The following C12orf42 variants were observed in gnomAD, a reference collection of about 807,000 sequenced individuals.
The protein encoded by C12orf42 is chromosome 12 open reading frame 42.
C12orf42 carries 25 observed loss-of-function variants against 21.6 expected under a neutral mutation model. The observed-to-expected ratio is 1.16, with a 90% CI of 0.84 to 1.62. The LOEUF (loss-of-function observed/expected upper bound fraction) is 1.62. C12orf42 is among the 40% of genes most tolerant of loss of function. The pLI, the probability that C12orf42 is intolerant of heterozygous loss-of-function variation, is 0.00. For synonymous variants in C12orf42, 174 were observed against 175.0 expected (o/e 0.99, Z 0.05); for missense variants, 483 against 459.3 (o/e 1.05, Z -0.47).
chr12:103,405,138 A>G (rs1459770516), intron 2 of C12orf42, among the ~76,000 whole-genome samples: 1 of 152,200 alleles, frequency 6.6e-6, no homozygotes, highest in Non-Finnish European at 1.5e-5. Flanking sequence ...GGACTCTGTT[A>G]TTTAAAAAGG....
the C12orf42 span, among the ~76,000 whole-genome samples, chr12:103,172,991 A>G: frequency 2.2e-4 from 33 of 152,240 alleles, no homozygotes; most frequent in African/African-American, 7.2e-4. Context: ...AAGGTTTTGA[A>G]GTGTGTGTCC....
intron 3 of C12orf42, among the ~76,000 whole-genome samples, chr12:103,394,589 G>A (rs901325926): frequency 3.9e-5 from 6 of 152,290 alleles, no homozygotes; most frequent in Middle Eastern, 3.4e-3. Context: ...TTTGAAACAC[G>A]AAACCATTGA....
At chr12:103,524,979 G>C in the C12orf42 span, among the ~76,000 whole-genome samples, 142 of 138,766 alleles carry the variant, frequency 1.0e-3, no homozygotes, top group African/African-American at 3.4e-3. Flanking sequence ...GGGGCAGGGG[G>C]GCAGGTCTGG....
the C12orf42 span, among the ~76,000 whole-genome samples, chr12:103,505,168 T>A: frequency 4.1e-4 from 62 of 152,280 alleles, no homozygotes; most frequent in Middle Eastern, 6.8e-3. Flanking sequence ...TAACAATGGA[T>A]GAGAACAGAC....
At chr12:103,140,541 C>T in the C12orf42 span, among the ~76,000 whole-genome samples, 1 of 152,134 alleles carries the variant, frequency 6.6e-6, no homozygotes, top group Non-Finnish European at 1.5e-5. Flanking sequence ...AGTCGGAGGT[C>T]TGTTGGGCCA....
upstream of C12orf42, among the ~76,000 whole-genome samples, chr12:103,498,701 C>T (rs538211244): frequency 6.2e-4 from 95 of 152,278 alleles, no homozygotes; most frequent in African/African-American, 2.3e-3. Flanking sequence ...TAAAAAGGAA[C>T]AAGATCATGG....
the C12orf42 span, among the ~76,000 whole-genome samples, chr12:103,150,972 C>CTCTG: frequency 6.6e-6 from 1 of 152,164 alleles, no homozygotes; most frequent in Non-Finnish European, 1.5e-5. Context: ...TGGAGTCTCA[C>CTCTG]TCTGTCACCC....
chr12:103,537,413 A>T, the C12orf42 span, among the ~76,000 whole-genome samples: 2 of 152,324 alleles, frequency 1.3e-5, no homozygotes, highest in African/African-American at 4.8e-5. Flanking sequence ...TTTGACTTCC[A>T]TAGAACTAAA....
chr12:103,211,560 C>G, the C12orf42 span, among the ~76,000 whole-genome samples: 2 of 152,326 alleles, frequency 1.3e-5, no homozygotes, highest in East Asian at 3.9e-4. Context: ...TGAAGGCATC[C>G]AGCCAACATC....
chr12:103,225,221 G>A, the C12orf42 span, among the ~76,000 whole-genome samples: 1 of 152,192 alleles, frequency 6.6e-6, no homozygotes, highest in African/African-American at 2.4e-5. Flanking sequence ...AGTGTACTGG[G>A]TTGGGCACCA....
the C12orf42 span, among the ~76,000 whole-genome samples, chr12:103,050,046 CTT>C: frequency 7.2e-5 from 11 of 152,148 alleles, no homozygotes; most frequent in African/African-American, 2.4e-4. Flanking sequence ...AGAGGAGAGA[CTT>C]TGGTTATTTT....
At chr12:103,135,225 C>T in the C12orf42 span, among the ~76,000 whole-genome samples, 23 of 152,086 alleles carry the variant, frequency 1.5e-4, no homozygotes, top group Non-Finnish European at 2.8e-4. Context: ...AAGATAGACG[C>T]AGGTGGATCA....
At chr12:103,526,279 G>A in the C12orf42 span, among the ~76,000 whole-genome samples, 1 of 152,076 alleles carries the variant, frequency 6.6e-6, no homozygotes, top group African/African-American at 2.4e-5. Context: ...CTTTTTCTAA[G>A]CATATTTAAG....
intron 4 of C12orf42, among the ~76,000 whole-genome samples, chr12:103,315,961 C>G (rs1426296935): frequency 6.6e-6 from 1 of 151,162 alleles, no homozygotes; most frequent in Non-Finnish European, 1.5e-5. Flanking sequence ...AAACATCACA[C>G]TTCACACTAT....
chr12:103,523,555 A>G, the C12orf42 span, among the ~76,000 whole-genome samples: 5 of 151,494 alleles, frequency 3.3e-5, no homozygotes, highest in South Asian at 2.1e-4. Flanking sequence ...ATGTCTCTAT[A>G]TATGTATATA....
intron 10 of C12orf42, among the ~76,000 whole-genome samples, chr12:103,256,083 A>C (rs57405020): frequency 2.6e-4 from 16 of 61,936 alleles, no homozygotes; most frequent in African/African-American, 1.2e-3. Context: ...AAAAAAAAAA[A>C]AAATATATAT....
At chr12:103,248,229 T>C (rs2034107431) in intron 10 of C12orf42, among the ~76,000 whole-genome samples, 1 of 152,094 alleles carries the variant, frequency 6.6e-6, no homozygotes, top group Admixed American at 6.6e-5. Flanking sequence ...TGAATCCATT[T>C]TTCTTAGCAA....
chr12:103,362,308 G>A (rs1208951754), intron 4 of C12orf42, among the ~76,000 whole-genome samples: 1 of 152,104 alleles, frequency 6.6e-6, no homozygotes, highest in African/African-American at 2.4e-5. Flanking sequence ...GGAAAAGGGG[G>A]AGAGTACTAC....
chr12:103,056,832 G>A, the C12orf42 span, among the ~76,000 whole-genome samples: 1 of 152,088 alleles, frequency 6.6e-6, no homozygotes, highest in Non-Finnish European at 1.5e-5. Flanking sequence ...TTTCCTTGGT[G>A]AGACTCCCTA....
Sources: allele counts gnomAD v4.1 joint callset (sites outside exome capture counted in the v4.1 genomes callset), GRCh38; gene constraint gnomAD v4.1.1; transcripts MANE v1.5; gene names NCBI Gene and HGNC (gene_info 2026-07-23, HGNC 2026-07-21).